APLP2: variants seen among roughly 807,000 people sequenced by gnomAD.
APLP2 encodes amyloid beta precursor like protein 2.
APLP2 carries 53 observed loss-of-function variants against 89.9 expected under a neutral mutation model. The observed-to-expected ratio is 0.59, with a 90% CI of 0.47 to 0.74. The LOEUF is 0.74. APLP2 is among the 30% of genes least tolerant of loss of function. APLP2 has a pLI of 0.00. For synonymous variants in APLP2, 372 were observed against 348.6 expected, an observed-to-expected ratio of 1.07 and a Z score of -0.75; for missense variants, 973 against 975.9, an observed-to-expected ratio of 1.00 and a Z score of 0.04.
At chr11:130,119,920 A>G (rs186973621) in intron 3 of APLP2, among the ~76,000 whole-genome samples, 5 of 152,340 alleles carry the variant, frequency 3.3e-5, no homozygotes, top group Admixed American at 2.6e-4. Flanking sequence ...AAAGGATCAC[A>G]TACTACATTT....
intron 12 of APLP2, among the ~76,000 whole-genome samples, chr11:130,135,351 A>T (rs774950114): frequency 7.9e-5 from 12 of 152,132 alleles, no homozygotes; most frequent in Non-Finnish European, 1.6e-4. Context: ...TGTGGATACC[A>T]CTTAACTGGA....
chr11:130,117,691 G>T (rs1949353756), intron 3 of APLP2, among the ~76,000 whole-genome samples: 1 of 152,098 alleles, frequency 6.6e-6, no homozygotes, highest in South Asian at 2.1e-4. Context: ...TACATTAATG[G>T]CATCATACTG....
At chr11:130,122,050 G>A (rs1949886113) in intron 5 of APLP2, among the ~76,000 whole-genome samples, 1 of 152,116 alleles carries the variant, frequency 6.6e-6, no homozygotes, top group African/African-American at 2.4e-5. Context: ...TTTTTTAAGA[G>A]TCCGTGTCAT....
At chr11:130,075,899 A>G (rs970201961) in intron 1 of APLP2, among the ~76,000 whole-genome samples, 2 of 151,236 alleles carry the variant, frequency 1.3e-5, no homozygotes, top group African/African-American at 4.9e-5. Flanking sequence ...CTTAAAAGGA[A>G]CTAATTTCAT....
intron 13 of APLP2, chr11:130,137,261 C>T (rs765492643): frequency 1.9e-6 from 3 of 1,614,104 alleles, no homozygotes; most frequent in East Asian, 4.5e-5. Flanking sequence ...GCTAGACACT[C>T]AGCCGGAGTT....
At chr11:130,090,298 G>A (rs1363371221) in intron 1 of APLP2, among the ~76,000 whole-genome samples, 5 of 136,194 alleles carry the variant, frequency 3.7e-5, no homozygotes, top group African/African-American at 1.4e-4. Flanking sequence ...TAATTCTTGG[G>A]TGTTTCTCAC....
At chr11:130,075,972 T>C (rs147000966) in intron 1 of APLP2, among the ~76,000 whole-genome samples, 164 of 152,392 alleles carry the variant, frequency 1.1e-3, no homozygotes, top group Non-Finnish European at 1.8e-3. Context: ...CTTTGAAGTA[T>C]GTAATTACAG....
chr11:130,109,094 A>G (rs1948194035), intron 1 of APLP2: 1 of 156,978 alleles, frequency 6.4e-6, no homozygotes, highest in Non-Finnish European at 1.4e-5. Flanking sequence ...GATATACCTA[A>G]TGTAAATGAC....
At chr11:130,116,166 G>A (rs1341550685) in intron 3 of APLP2, among the ~76,000 whole-genome samples, 1 of 151,830 alleles carries the variant, frequency 6.6e-6, no homozygotes, top group East Asian at 1.9e-4. Flanking sequence ...AAAAGATAAG[G>A]TTGGGAGAAA....
intron 2 of APLP2, 130 bp downstream of exon 2, chr11:130,109,732 G>A: frequency 9.7e-7 from 1 of 1,029,874 alleles, no homozygotes; most frequent in South Asian, 1.9e-5. Flanking sequence ...GGAGCCCCAA[G>A]CCTTTTGTTT....
chr11:130,095,552 G>A (rs188017263), intron 1 of APLP2, among the ~76,000 whole-genome samples: 1 of 152,244 alleles, frequency 6.6e-6, no homozygotes, highest in Non-Finnish European at 1.5e-5. Context: ...TGGAAGGCCT[G>A]ATAGCTGTGG....
intron 1 of APLP2, among the ~76,000 whole-genome samples, chr11:130,077,110 T>C (rs1040579733): frequency 1.2e-4 from 18 of 152,362 alleles, no homozygotes; most frequent in Admixed American, 1.0e-3. Flanking sequence ...TGGGAAGTTA[T>C]GTAGCTGGGA....
intron 1 of APLP2, among the ~76,000 whole-genome samples, chr11:130,075,674 G>T (rs2135344190): frequency 6.6e-6 from 1 of 152,318 alleles, no homozygotes; most frequent in Admixed American, 6.5e-5. Context: ...ACAGTCTCGT[G>T]AATTTGGTAT....
Position 130,135,627 on chromosome 11 carries a change from T to C in APLP2, c.1749T>C (p.Pro583=), listed in dbSNP as rs747002137. ...DQFTASISET[P]VDVRVSSEES... ...TCACTGCCTCAATCTCAGAGACCCC[T>C]GTGGACGTCCGGGTGAGCTCTGAGG... Residue 583 remains proline (P), a synonymous_variant, in exon 13 of 17, where the codon CCT becomes CCC. Transcript: ENST00000338167. 1 of 1,614,156 alleles carries C rather than the reference T, an allele frequency of 6.2e-7. No individual in the cohort carries two copies. The highest frequency in any genetic ancestry group is 8.5e-7 in the Non-Finnish European group (1 of 1,180,002).
chr11:130,075,156 ATTTTTT>A (rs1270546888), intron 1 of APLP2, among the ~76,000 whole-genome samples: 1 of 151,968 alleles, frequency 6.6e-6, no homozygotes, highest in Non-Finnish European at 1.5e-5. Context: ...CTTTATTTTT[ATTTTTT>A]ATTTTTTGAG....
chr11:130,140,495 C>A lies in APLP2; in HGVS notation c.1923+12C>A. ...TGGATGAAAACATGGTGAGCCTGTTCTTTCTTCTGCCCAACACGCTTTACT... is the reference window on the plus strand; with the variant it reads ...TGGATGAAAACATGGTGAGCCTGTTATTTCTTCTGCCCAACACGCTTTACT... On this transcript the variant is annotated intron_variant, in intron 14 of 16. Coordinates refer to ENST00000338167, the MANE Select transcript of APLP2 (RefSeq NM_001142276.2). The A allele has an allele frequency of 6.3e-7, 1 of 1,597,464 alleles. No homozygotes were observed. Among genetic ancestry groups the A allele is most frequent in the African/African-American group, 1.3e-5 (1 of 74,442 alleles).
rs1952213712 is a variant in APLP2 at position 130,140,434 on chromosome 11, G to T, written c.1874G>T (p.Gly625Val). The T allele has an allele frequency of 6.2e-7, 1 of 1,611,498 alleles. No individual in the cohort carries two copies. The highest frequency in any genetic ancestry group is 8.5e-7 in the Non-Finnish European group (1 of 1,178,970). The stretch of plus-strand genomic sequence containing the variant: ...GGAGAGCAGGATGGGGGACTGATCG[G>T]TGCCGAAGAGAAAGTGATTAACAGT... The part of the protein sequence containing the change: ...GVGEQDGGLI[G>V]AEEKVINSKN... Residue 625 changes from glycine (G) to valine (V), a missense_variant, in exon 14 of 17, where the codon GGT (glycine) becomes GTT (valine). By Grantham distance (109) the Gly-to-Val change is moderately radical. Transcript: ENST00000338167.
intron 3 of APLP2, among the ~76,000 whole-genome samples, chr11:130,118,714 AT>A (rs1396370974): frequency 1.3e-5 from 2 of 152,230 alleles, no homozygotes; most frequent in Non-Finnish European, 2.9e-5. Flanking sequence ...TATTTTTGCT[AT>A]TTTTAAGCAA....
chr11:130,110,327 C>T (rs1298034213), intron 2 of APLP2, among the ~76,000 whole-genome samples: 4 of 152,182 alleles, frequency 2.6e-5, no homozygotes, highest in African/African-American at 4.8e-5. Flanking sequence ...AAACAGAATG[C>T]GTGGAAGTGT....
Sources: allele counts gnomAD v4.1 joint callset (sites outside exome capture counted in the v4.1 genomes callset), GRCh38; gene constraint gnomAD v4.1.1; transcripts MANE v1.5; gene names NCBI Gene and HGNC (gene_info 2026-07-23, HGNC 2026-07-21).